The following SH3GL1 variants were observed in gnomAD, a reference collection of about 807,000 sequenced individuals.
SH3GL1 encodes endophilin-A2.
SH3GL1 carries 21 observed loss-of-function variants against 48.8 expected under a neutral mutation model. The observed-to-expected ratio is 0.43, with a 90% CI of 0.30 to 0.62. The LOEUF is 0.62. Ranked by LOEUF, SH3GL1 falls within the 20% of genes least tolerant of loss-of-function variation. The probability of loss-of-function intolerance (pLI) is 0.11; values close to 1 mark genes in which losing one functional copy is unlikely to be tolerated. For synonymous variants in SH3GL1, 282 were observed against 217.5 expected, an observed-to-expected ratio of 1.30 and a Z score of -2.61; for missense variants, 454 against 503.0, an observed-to-expected ratio of 0.90 and a Z score of 0.93.
Position 4,367,120 on chromosome 19 carries a change from A to G in SH3GL1, c.46-126T>C, listed in dbSNP as rs1346005744. 5 of 857,496 alleles carry G rather than the reference A, an allele frequency of 5.8e-6. No homozygotes were observed. Among genetic ancestry groups the G allele is most frequent in the South Asian group, 4.0e-5 (3 of 74,396 alleles). The allele number at this position is 857,496 out of a possible 1,614,324, so 53.1% of individuals were successfully genotyped here. On this transcript the variant is annotated intron_variant, in intron 1 of 9. Transcript: ENST00000269886. The surrounding 1 kb of genome is among the most constrained non-coding windows in gnomAD (Gnocchi z 4.2). ...GGAGGCAGGAGGCCAAGTGATCAGG[A>G]CACACACCTCAGGCACTGCCGTGGG...
intron 1 of SH3GL1, among the ~76,000 whole-genome samples, chr19:4,378,902 A>G (rs1375281285): frequency 1.3e-5 from 2 of 152,142 alleles, no homozygotes; most frequent in East Asian, 1.9e-4. Flanking sequence ...CTTAAGAAGA[A>G]GAAGAAAAGG....
intron 1 of SH3GL1, among the ~76,000 whole-genome samples, chr19:4,397,109 CAAAAAA>C (rs1973439563): frequency 6.6e-6 from 1 of 151,846 alleles, no homozygotes; most frequent in Admixed American, 6.6e-5. Flanking sequence ...AGACTAAAAA[CAAAAAA>C]AGAGACACAA....
In SH3GL1 at chr19:4,367,991, G is replaced by A. The variant is rs531046595; in HGVS notation, c.46-997C>T. Among the ~76,000 whole-genome samples the A allele has an allele frequency of 4.6e-5, 7 of 152,368 alleles. No homozygotes were observed. The highest frequency in any genetic ancestry group is 1.9e-4 in the East Asian group (1 of 5,190). ...AAATGGAGGCTCCCAGAGGGAGGCC[G>A]CCTGAGGTCACAAGCTTGGCCCTGC... On this transcript the variant is annotated intron_variant, in intron 1 of 9. Transcript: ENST00000269886. This position sits in a 1 kb window ranked among gnomAD's most constrained non-coding sequence, Gnocchi z 4.2.
At chr19:4,369,037 A>T (rs1307955455) in intron 1 of SH3GL1, among the ~76,000 whole-genome samples, 1 of 151,888 alleles carries the variant, frequency 6.6e-6, no homozygotes, top group Non-Finnish European at 1.5e-5. Context: ...CAGCCACTGC[A>T]CTCCAGCCTA....
At chr19:4,387,550 C>G (rs778063321) in intron 1 of SH3GL1, among the ~76,000 whole-genome samples, 2 of 152,028 alleles carry the variant, frequency 1.3e-5, no homozygotes, top group East Asian at 3.9e-4. Flanking sequence ...CTCAGCCTCC[C>G]TAAGTGCTGG....
At chr19:4,362,139 C>T (rs1972634796) in intron 9 of SH3GL1, among the ~76,000 whole-genome samples, 190 bp downstream of exon 9, 1 of 152,254 alleles carries the variant, frequency 6.6e-6, no homozygotes, top group South Asian at 2.1e-4. Flanking sequence ...GGCAATCCCT[C>T]ATTCACACTG....
chr19:4,362,930 C>A (rs1473300764), intron 7 of SH3GL1, among the ~76,000 whole-genome samples, 194 bp from the exon 8 acceptor site: 1 of 152,144 alleles, frequency 6.6e-6, no homozygotes. Flanking sequence ...TGGACCCCCA[C>A]CTTGGAGGCA....
rs58263818 is a variant in SH3GL1, at chr19:4,399,319, C to CAAAAAAA, written c.45+998_45+1004dup. 6.9e-3 allele frequency among the ~76,000 whole-genome samples: 341 copies of CAAAAAAA among 49,560 alleles called. 23 individuals are homozygous for CAAAAAAA. The highest frequency in any genetic ancestry group is 0.01 in the Admixed American group (31 of 3,010). The allele number at this position is 49,560 out of a possible 152,430, so 32.5% of individuals were successfully genotyped here. A position where few individuals can be genotyped will look rare whatever the true frequency, so the allele number is the denominator to read the frequency against. ...GGGGCGACAGAGCATGACTCCCTCT[C>CAAAAAAA]AAAAAAAAAAAAAAAAAAAAAAATC... On this transcript the variant is annotated intron_variant, in intron 1 of 9. Coordinates refer to ENST00000269886, the MANE Select transcript of SH3GL1 (RefSeq NM_003025.4).
In SH3GL1 at chr19:4,367,227, G is replaced by C. The variant is rs1972802731; in HGVS notation, c.46-233C>G. On this transcript the variant is annotated intron_variant, in intron 1 of 9. Transcript: ENST00000269886. This position sits in a 1 kb window ranked among gnomAD's most constrained non-coding sequence, Gnocchi z 4.2. ...GGGTGGGGGTGGCCTGCCCACCTGT[G>C]TGTGTCCCGACTGCCACTCACATAC... 6.6e-6 allele frequency among the ~76,000 whole-genome samples: 1 copy of C among 152,178 alleles called. No individual in the cohort carries two copies. Among genetic ancestry groups the C allele is most frequent in the African/African-American group, 2.4e-5 (1 of 41,458 alleles).
Position 4,400,208 on chromosome 19 carries a change from G to A in SH3GL1, c.45+116C>T, listed in dbSNP as rs1973497512. ...GGTCTTCCCACCTGGCAGGGGACAC[G>A]CGCCAACGTCCCCACCTCGGTCCCC... On this transcript the variant is annotated intron_variant, in intron 1 of 9. Coordinates refer to ENST00000269886, the MANE Select transcript of SH3GL1 (RefSeq NM_003025.4). This position sits in a 1 kb window ranked among gnomAD's most constrained non-coding sequence, Gnocchi z 4.1. The A allele has an allele frequency of 3.5e-6, 4 of 1,144,022 alleles. No individual in the cohort carries two copies. Among genetic ancestry groups the A allele is most frequent in the Non-Finnish European group, 4.9e-6 (4 of 824,204 alleles). 70.9% of individuals were successfully genotyped at this position (1,144,022 alleles called of 1,614,324 possible). A position where few individuals can be genotyped will look rare whatever the true frequency, so the allele number is the denominator to read the frequency against.
intron 1 of SH3GL1, among the ~76,000 whole-genome samples, chr19:4,386,337 C>T (rs939484413): frequency 2.0e-5 from 3 of 152,178 alleles, no homozygotes; most frequent in African/African-American, 7.2e-5. Flanking sequence ...ATAAGGGTCT[C>T]TGCTTAGTGC....
intron 1 of SH3GL1, among the ~76,000 whole-genome samples, chr19:4,369,686 C>A (rs1049597439): frequency 1.3e-5 from 2 of 152,230 alleles, no homozygotes; most frequent in African/African-American, 4.8e-5. Flanking sequence ...CTTCCTGAGC[C>A]CCAGGACGAC....
chr19:4,388,351 G>A (rs8109839), intron 1 of SH3GL1, among the ~76,000 whole-genome samples: 1,712 of 152,330 alleles, frequency 0.011, 33 homozygotes, highest in African/African-American at 0.039. Context: ...GCTGTGGTCT[G>A]CGAGTCGTGG....
intron 1 of SH3GL1, among the ~76,000 whole-genome samples, chr19:4,386,361 C>T (rs541579640): frequency 2.6e-5 from 4 of 152,212 alleles, no homozygotes; most frequent in East Asian, 3.9e-4. Context: ...GGCAAAGTCC[C>T]GAAATGACAG....
In SH3GL1 at chr19:4,365,520, A is replaced by G; in HGVS notation, c.293T>C (p.Ile98Thr). Residue 98 changes from isoleucine (I) to threonine (T), a missense_variant, in exon 4 of 10, where the codon ATC becomes ACC. By Grantham distance (89) the Ile-to-Thr change is moderately conservative (BLOSUM62 -1). This residue lies in a region of SH3GL1 where 176 missense variants were observed against 256.2 expected (regional missense o/e 0.69). Coordinates refer to ENST00000269886, the MANE Select transcript of SH3GL1 (RefSeq NM_003025.4). ...GCCGCCCAGCTCCTTCCCGTGGCGG[A>G]TCATGCACTCGCCCAGAAGCCCCTC... is the stretch of plus-strand genomic sequence containing the variant. Reference protein sequence around the residue: ...QSEGLLGECMIRHGKELGGES... With the variant: ...QSEGLLGECMTRHGKELGGES... 6.2e-7 allele frequency: 1 copy of G among 1,613,918 alleles called. No homozygotes were observed. Among genetic ancestry groups the G allele is most frequent in the Non-Finnish European group, 8.5e-7 (1 of 1,180,030 alleles).
At chr19:4,391,417 G>A (rs1478735332) in intron 1 of SH3GL1, among the ~76,000 whole-genome samples, 7 of 152,294 alleles carry the variant, frequency 4.6e-5, no homozygotes, top group Non-Finnish European at 7.4e-5. Context: ...TAAGCAGGGC[G>A]ATCAGCACCC....
chr19:4,362,803 T>C (rs1972660526), intron 7 of SH3GL1, 67 bp from the exon 8 acceptor site: 2 of 1,607,864 alleles, frequency 1.2e-6, no homozygotes, highest in Admixed American at 1.7e-5. Flanking sequence ...CTCTTGTATT[T>C]ATGCTGCTGC....
At chr19:4,380,477 A>T (rs1331755188) in intron 1 of SH3GL1, among the ~76,000 whole-genome samples, 1 of 152,016 alleles carries the variant, frequency 6.6e-6, no homozygotes, top group Non-Finnish European at 1.5e-5. Flanking sequence ...CGCAGGAGAG[A>T]GGGCATGACA....
In SH3GL1 at chr19:4,367,617, A is replaced by C. The variant is rs1278698819; in HGVS notation, c.46-623T>G. ...AAGGCAGTCAACACAGGCCTGGCAC[A>C]CCTTGGTCCTCACGGCTCTCAGCTA... On this transcript the variant is annotated intron_variant, in intron 1 of 9. Transcript: ENST00000269886. This position sits in a 1 kb window ranked among gnomAD's most constrained non-coding sequence, Gnocchi z 4.2. 6.6e-6 allele frequency among the ~76,000 whole-genome samples: 1 copy of C among 152,146 alleles called. No individual in the cohort carries two copies. Among genetic ancestry groups the C allele is most frequent in the Non-Finnish European group, 1.5e-5 (1 of 68,022 alleles).
Sources: allele counts gnomAD v4.1 joint callset (sites outside exome capture counted in the v4.1 genomes callset), GRCh38; gene constraint gnomAD v4.1.1; regional missense constraint gnomAD v4.1.1; non-coding constraint Gnocchi (gnomAD v3.1); transcripts MANE v1.5; gene names NCBI Gene and HGNC (gene_info 2026-07-23, HGNC 2026-07-21).